UGDH: variants seen among roughly 807,000 people sequenced by gnomAD.
UGDH encodes the protein UDP-glucose 6-dehydrogenase, also known as UDP-Glc dehydrogenase.
Under a neutral mutation model 50.6 loss-of-function variants are expected in UGDH, and 38 were observed. The observed-to-expected ratio is 0.75, with a 90% CI of 0.58 to 0.98. UGDH has a LOEUF of 0.98. UGDH is among the 50% of genes least tolerant of loss of function. UGDH has a pLI of 0.00. For missense variants in UGDH, 465 were observed against 606.2 expected (o/e 0.77, Z 2.45); for synonymous variants, 168 against 199.9 (o/e 0.84, Z 1.35).
chr4:39,514,024 T>G, intron 3 of UGDH, 59 bp downstream of exon 3: 1 of 1,375,654 alleles, frequency 7.3e-7, no homozygotes. Context: ...TAAAGTATGA[T>G]GAAACTTTTA....
chr4:39,513,531 CTTTTTTTT>C (rs10707997), intron 3 of UGDH, among the ~76,000 whole-genome samples: 6 of 88,008 alleles, frequency 6.8e-5, no homozygotes, highest in Non-Finnish European at 1.3e-4. Flanking sequence ...TTTCCTAGTT[CTTTTTTTT>C]TTTTTTTTTT....
rs1015309696 is a variant in UGDH at position 39,499,025 on chromosome 4, CAAAAA to C, written c.*1113_*1117del. ...ACATAAGAAAAAAGCAGACAGAAAACAAAAAAAATTCTTATTTTAGAATGATGCTA... is the reference window on the plus strand; with the variant it reads ...ACATAAGAAAAAAGCAGACAGAAAACAAATTCTTATTTTAGAATGATGCTA... On this transcript the variant is annotated 3_prime_UTR_variant, in exon 12 of 12. Transcript: ENST00000316423. 1.3e-5 allele frequency: 2 copies of C among 150,752 alleles called. No individual in the cohort carries two copies. Among genetic ancestry groups the C allele is most frequent in the South Asian group, 2.1e-4 (1 of 4,802 alleles). 9.3% of individuals were successfully genotyped at this position (150,752 alleles called of 1,614,324 possible). A position where few individuals can be genotyped will look rare whatever the true frequency, so the allele number is the denominator to read the frequency against.
chr4:39,521,841 A>G (rs981820582), intron 1 of UGDH, among the ~76,000 whole-genome samples: 3 of 152,256 alleles, frequency 2.0e-5, no homozygotes, highest in Non-Finnish European at 2.9e-5. Context: ...CCTTAGGTCT[A>G]TAATACACTA....
At chr4:39,513,907 T>C (rs1746344343) in intron 3 of UGDH, among the ~76,000 whole-genome samples, 176 bp downstream of exon 3, 1 of 152,236 alleles carries the variant, frequency 6.6e-6, no homozygotes, top group Non-Finnish European at 1.5e-5. Context: ...CATATTTGAC[T>C]AGATGATTAC....
intron 3 of UGDH, among the ~76,000 whole-genome samples, chr4:39,511,315 C>T (rs1328224082): frequency 2.0e-5 from 3 of 148,166 alleles, no homozygotes; most frequent in African/African-American, 7.6e-5. Flanking sequence ...GGCTAGAGTG[C>T]AGTAGTGTAA....
chr4:39,509,137 A>G (rs939513428), intron 6 of UGDH, among the ~76,000 whole-genome samples: 1 of 149,338 alleles, frequency 6.7e-6, no homozygotes. Context: ...ATCATGCCTG[A>G]CTAATTTTTT....
Position 39,499,858 on chromosome 4 carries a change from GTC to G in UGDH, c.*283_*284del, listed in dbSNP as rs1745719323. The G allele has an allele frequency of 9.2e-6, 2 of 216,724 alleles. No homozygotes were observed. The highest frequency in any genetic ancestry group is 1.0e-4 in the Admixed American group (2 of 19,302). 13.4% of individuals were successfully genotyped at this position (216,724 alleles called of 1,614,324 possible). A position where few individuals can be genotyped will look rare whatever the true frequency, so the allele number is the denominator to read the frequency against. On this transcript the variant is annotated 3_prime_UTR_variant, in exon 12 of 12. Coordinates refer to ENST00000316423, the MANE Select transcript of UGDH (RefSeq NM_003359.4). ...ATCCTGGCTCACATGGTGAAACCCT[GTC>G]TCTACTAAAAATACAAAAAATTAGC...
Position 39,500,008 on chromosome 4 carries a change from C to G in UGDH, c.*135G>C, listed in dbSNP as rs1049471606. The G allele has an allele frequency of 1.9e-6, 1 of 527,316 alleles. No homozygotes were observed. Among genetic ancestry groups the G allele is most frequent in the Non-Finnish European group, 3.3e-6 (1 of 305,008 alleles). 32.7% of individuals were successfully genotyped at this position (527,316 alleles called of 1,614,324 possible). On this transcript the variant is annotated 3_prime_UTR_variant, in exon 12 of 12. Transcript: ENST00000316423. ...TTGCACCACTGCACTCCAGCCTGGGCAACAGTGAGACTCTGTCTCAAAAAA... is the reference window on the plus strand; with the variant it reads ...TTGCACCACTGCACTCCAGCCTGGGGAACAGTGAGACTCTGTCTCAAAAAA...
intron 2 of UGDH, among the ~76,000 whole-genome samples, chr4:39,521,069 C>CAAAAAA (rs1179305904): frequency 3.7e-5 from 3 of 80,046 alleles, no homozygotes; most frequent in African/African-American, 1.2e-4. Flanking sequence ...GACTCCGTCT[C>CAAAAAA]AAAAAAAAAA....
chr4:39,527,081 A>G (rs1746934376), intron 1 of UGDH: 1 of 1,289,300 alleles, frequency 7.8e-7, no homozygotes, highest in South Asian at 1.2e-5. Context: ...CCAGACGACC[A>G]CATCCCCAGG....
chr4:39,505,015 G>A (rs536398195), intron 9 of UGDH, among the ~76,000 whole-genome samples: 155 of 152,300 alleles, frequency 1.0e-3, no homozygotes, highest in African/African-American at 3.6e-3. Flanking sequence ...GAATTTTGGG[G>A]ATTTGTGGAG....
At chr4:39,517,824 G>C (rs1269057325) in intron 2 of UGDH, among the ~76,000 whole-genome samples, 2 of 152,158 alleles carry the variant, frequency 1.3e-5, no homozygotes, top group Non-Finnish European at 2.9e-5. Flanking sequence ...ACTTTTGTAA[G>C]ATTTTAACCA....
In UGDH at chr4:39,510,435, G is replaced by A. The variant is rs144192248; in HGVS notation, c.581C>T (p.Ala194Val). 9.3e-6 allele frequency: 15 copies of A among 1,614,030 alleles called. No homozygotes were observed. The South Asian group carries it at 1.4e-4, about 15-fold the overall frequency. ...CCAGTGCTCATATACAGCACACAGG[G>A]CCTGCACAGCTCTCTGGCCCTCTGG... ...ETPEGQRAVQ[A>V]LCAVYEHWVP... The change falls in exon 5 of 12, where the codon GCC (alanine) becomes GTC (valine). Residue 194 changes from alanine to valine, a missense_variant. Coordinates refer to ENST00000316423, the MANE Select transcript of UGDH (RefSeq NM_003359.4).
intron 10 of UGDH, 98 bp from the exon 11 acceptor site, chr4:39,504,083 T>G: frequency 2.1e-6 from 2 of 950,750 alleles, no homozygotes; most frequent in Non-Finnish European, 3.3e-6. Context: ...CCAAGATGGG[T>G]GGATCACGAG....
intron 7 of UGDH, among the ~76,000 whole-genome samples, chr4:39,506,986 T>A (rs1746055004): frequency 6.6e-6 from 1 of 152,208 alleles, no homozygotes; most frequent in East Asian, 1.9e-4. Flanking sequence ...AGTGAGACCC[T>A]GTCTCTAAAA....
chr4:39,499,960 G>A lies in UGDH; in HGVS notation c.*183C>T, dbSNP rs1745726574. On this transcript the variant is annotated 3_prime_UTR_variant, in exon 12 of 12. Coordinates refer to ENST00000316423, the MANE Select transcript of UGDH (RefSeq NM_003359.4). ...CAGGAGAATGGCGTGAACCTGGGAA[G>A]CAGAGCTTGCAGTGAGCCGAGATTG... 3 of 418,048 alleles carry A rather than the reference G, an allele frequency of 7.2e-6. No individual in the cohort carries two copies. The highest frequency in any genetic ancestry group is 3.9e-5 in the Admixed American group (1 of 25,860). 25.9% of individuals were successfully genotyped at this position (418,048 alleles called of 1,614,324 possible). A position where few individuals can be genotyped will look rare whatever the true frequency, so the allele number is the denominator to read the frequency against.
At position 39,505,279 on chromosome 4, in the gene UGDH, C is replaced by T; in HGVS notation, c.1129G>A (p.Val377Ile). The change falls in exon 9 of 12, where the codon GTT becomes ATT. Residue 377 changes from valine to isoleucine, a missense_variant. By Grantham distance (29) the Val-to-Ile change is conservative. Transcript: ENST00000316423. The stretch of plus-strand genomic sequence containing the variant: ...ACACCTGGATGAGAAAGATCCACAA[C>T]TATTTGTTCCCTAGGTACTTTTGGA... ...YDPKVPREQIVVDLSHPGVSE... is the reference protein window; with the variant it reads ...YDPKVPREQIIVDLSHPGVSE... The T allele has an allele frequency of 6.2e-7, 1 of 1,602,350 alleles. No homozygotes were observed. Among genetic ancestry groups the T allele is most frequent in the Non-Finnish European group, 8.5e-7 (1 of 1,176,530 alleles).
chr4:39,525,828 T>C (rs187975295), intron 1 of UGDH, among the ~76,000 whole-genome samples: 176 of 152,334 alleles, frequency 1.2e-3, no homozygotes, highest in African/African-American at 4.1e-3. Flanking sequence ...TATTTCTACT[T>C]TTATGTACCC....
intron 11 of UGDH, among the ~76,000 whole-genome samples, chr4:39,501,068 G>A (rs1578259918): frequency 2.7e-5 from 4 of 150,892 alleles, no homozygotes; most frequent in South Asian, 2.1e-4. Flanking sequence ...AGGTTCAAGC[G>A]ATTCTCCTCG....
Sources: gnomAD v4.1 joint callset for allele counts (sites outside exome capture counted in the v4.1 genomes callset) on GRCh38, gnomAD v4.1.1 for gene constraint, MANE v1.5 for transcripts, NCBI Gene and HGNC (gene_info 2026-07-23, HGNC 2026-07-21) for gene names.